NCKAP5: variants seen among roughly 807,000 people sequenced by gnomAD.
NCKAP5 encodes nck-associated protein 5.
Under a neutral mutation model 167.0 loss-of-function variants are expected in NCKAP5, and 92 were observed. The observed-to-expected ratio is 0.55, with a 90% CI of 0.47 to 0.66. The LOEUF (loss-of-function observed/expected upper bound fraction) is 0.66. Ranked by LOEUF, NCKAP5 falls within the 30% of genes least tolerant of loss-of-function variation. NCKAP5 has a pLI of 0.00. For missense variants in NCKAP5, 2,378 were observed against 2,315.0 expected (o/e 1.03, Z -0.56); for synonymous variants, 891 against 877.4 (o/e 1.02, Z -0.27).
intron 6 of NCKAP5, among the ~76,000 whole-genome samples, chr2:133,066,600 C>T (rs1246530515): frequency 6.6e-6 from 1 of 152,130 alleles, no homozygotes; most frequent in Non-Finnish European, 1.5e-5. Flanking sequence ...ATGCTGAGTG[C>T]CATATGTTCC....
At chr2:132,809,623 C>T (rs1381039032) in intron 11 of NCKAP5, among the ~76,000 whole-genome samples, 1 of 152,080 alleles carries the variant, frequency 6.6e-6, no homozygotes, top group Non-Finnish European at 1.5e-5. Context: ...ACGAAATGCC[C>T]TTTTCCATCC....
intron 4 of NCKAP5, among the ~76,000 whole-genome samples, chr2:133,296,346 C>T (rs1037156890): frequency 2.0e-5 from 3 of 151,076 alleles, no homozygotes; most frequent in Middle Eastern, 3.4e-3. Flanking sequence ...AACATCCCCA[C>T]CCCCACCGCC....
At chr2:133,044,277 G>A (rs935971014) in intron 6 of NCKAP5, among the ~76,000 whole-genome samples, 4 of 151,998 alleles carry the variant, frequency 2.6e-5, no homozygotes, top group Non-Finnish European at 5.9e-5. Flanking sequence ...TCTGTTCATC[G>A]AAAGACGCAA....
At chr2:132,867,169 G>A (rs761556326) in intron 10 of NCKAP5, among the ~76,000 whole-genome samples, 19 of 150,780 alleles carry the variant, frequency 1.3e-4, no homozygotes, top group East Asian at 3.9e-4. Context: ...CCTTTTTATC[G>A]TACCAAATGG....
At position 133,263,283 on chromosome 2, in the gene NCKAP5, G is replaced by GAA. The variant is rs35086235; in HGVS notation, c.143+39752_143+39753dup. 7.4e-4 allele frequency among the ~76,000 whole-genome samples: 98 copies of GAA among 131,644 alleles called. 1 individual carries two copies. Among genetic ancestry groups the GAA allele is most frequent in the South Asian group, 4.2e-3 (17 of 4,074 alleles). The allele number at this position is 131,644 out of a possible 152,430, so 86.4% of individuals were successfully genotyped here. ...AGGCTTGAGTAAACAAACTCTCTAG[G>GAA]AAAAAAAAAAAAAAAACTCTACATG... On this transcript the variant is annotated intron_variant, in intron 4 of 19. Transcript: ENST00000409261.
At chr2:133,428,435 A>C (rs1012990892) in intron 3 of NCKAP5, among the ~76,000 whole-genome samples, 2 of 152,268 alleles carry the variant, frequency 1.3e-5, no homozygotes, top group Admixed American at 6.5e-5. Context: ...AGGTGGAAGA[A>C]CATTTCATTA....
chr2:133,618,538 A>G, the NCKAP5 span, among the ~76,000 whole-genome samples: 1 of 149,596 alleles, frequency 6.7e-6, no homozygotes, highest in East Asian at 2.0e-4. Context: ...TATGCAGCCA[A>G]AAAACACATG....
intron 5 of NCKAP5, among the ~76,000 whole-genome samples, chr2:133,137,257 A>C: frequency 6.6e-6 from 1 of 152,090 alleles, no homozygotes; most frequent in East Asian, 1.9e-4. Flanking sequence ...TTTTTTAAAA[A>C]CCCGTACTCT....
intron 17 of NCKAP5, 98 bp from the exon 18 acceptor site, chr2:132,729,050 A>T (rs752140189): frequency 4.8e-5 from 73 of 1,516,372 alleles, no homozygotes; most frequent in Non-Finnish European, 6.4e-5. Flanking sequence ...AATAATAAAA[A>T]AGGTCCAAAT....
chr2:132,833,873 A>G (rs1687695570), intron 11 of NCKAP5, among the ~76,000 whole-genome samples: 1 of 152,090 alleles, frequency 6.6e-6, no homozygotes, highest in African/African-American at 2.4e-5. Flanking sequence ...AATGTTAGGA[A>G]TGTTTCTCTA....
intron 8 of NCKAP5, among the ~76,000 whole-genome samples, chr2:132,919,210 T>G (rs1479740224): frequency 1.3e-5 from 2 of 152,150 alleles, no homozygotes; most frequent in Admixed American, 1.3e-4. Flanking sequence ...CTTCTTGGTC[T>G]GGGGGATGGA....
intron 5 of NCKAP5, among the ~76,000 whole-genome samples, chr2:133,136,834 G>A (rs758601279): frequency 1.3e-5 from 2 of 152,180 alleles, no homozygotes; most frequent in Non-Finnish European, 2.9e-5. Flanking sequence ...CCCAGTCACA[G>A]GTATCTCCAC....
chr2:133,194,386 A>C (rs2085350136), intron 5 of NCKAP5, among the ~76,000 whole-genome samples: 1 of 152,028 alleles, frequency 6.6e-6, no homozygotes, highest in Admixed American at 6.6e-5. Flanking sequence ...ATCTTATTCC[A>C]CACATACGGT....
chr2:132,881,131 T>G (rs1260956424), intron 8 of NCKAP5, among the ~76,000 whole-genome samples: 2 of 152,192 alleles, frequency 1.3e-5, no homozygotes, highest in Admixed American at 1.3e-4. Context: ...CGACTGTCAT[T>G]GCCATTCATC....
chr2:133,258,538 G>A (rs1391276282), intron 4 of NCKAP5, among the ~76,000 whole-genome samples: 1 of 152,116 alleles, frequency 6.6e-6, no homozygotes, highest in Non-Finnish European at 1.5e-5. Flanking sequence ...GCCTAGCAGA[G>A]TTTGAGACCA....
At chr2:133,653,181 G>A in the NCKAP5 span, among the ~76,000 whole-genome samples, 2 of 152,190 alleles carry the variant, frequency 1.3e-5, no homozygotes, top group Admixed American at 1.3e-4. Context: ...ATTAGGGGCT[G>A]CCTTAAGAAA....
chr2:133,647,844 C>T, the NCKAP5 span, among the ~76,000 whole-genome samples: 1 of 151,780 alleles, frequency 6.6e-6, no homozygotes, highest in Non-Finnish European at 1.5e-5. Context: ...CAGGGCAGGG[C>T]TAACAGAAAA....
chr2:133,128,950 T>G (rs1415401849), intron 6 of NCKAP5, among the ~76,000 whole-genome samples: 2 of 149,762 alleles, frequency 1.3e-5, no homozygotes, highest in Non-Finnish European at 3.0e-5. Flanking sequence ...CACTGATTTT[T>G]TTTTTTTTTT....
chr2:132,838,278 T>G (rs1012025706), intron 11 of NCKAP5, among the ~76,000 whole-genome samples: 2 of 152,152 alleles, frequency 1.3e-5, no homozygotes, highest in African/African-American at 4.8e-5. Flanking sequence ...AGGTTGTAGC[T>G]TCTTCTGTTT....
Sources: allele counts gnomAD v4.1 joint callset (sites outside exome capture counted in the v4.1 genomes callset), GRCh38; gene constraint gnomAD v4.1.1; transcripts MANE v1.5; gene names NCBI Gene and HGNC (gene_info 2026-07-23, HGNC 2026-07-21).